The following CNTN5 variants were observed in gnomAD, a reference collection of about 807,000 sequenced individuals.
CNTN5 encodes contactin-5.
CNTN5 carries 77 observed loss-of-function variants against 129.1 expected under a neutral mutation model. The observed-to-expected ratio is 0.60, with a 90% confidence interval of 0.50 to 0.72. The LOEUF (loss-of-function observed/expected upper bound fraction) is 0.72. CNTN5 is among the 30% of genes least tolerant of loss of function. The pLI is 0.00. For synonymous variants in CNTN5, 509 were observed against 465.6 expected, an observed-to-expected ratio of 1.09 and a Z score of -1.20; for missense variants, 1,478 against 1,328.8, an observed-to-expected ratio of 1.11 and a Z score of -1.75.
chr11:99,124,150 CCTGT>C (rs1424252204), intron 1 of CNTN5, among the ~76,000 whole-genome samples: 1 of 151,984 alleles, frequency 6.6e-6, no homozygotes, highest in Non-Finnish European at 1.5e-5. Context: ...ATTGATTCTT[CCTGT>C]CTATGAGCAT....
At chr11:100,339,245 G>A (rs1013649864) in intron 21 of CNTN5, among the ~76,000 whole-genome samples, 4 of 152,094 alleles carry the variant, frequency 2.6e-5, no homozygotes, top group African/African-American at 7.2e-5. Context: ...ACCTGCACTC[G>A]GTGGGTCCCG....
intron 3 of CNTN5, among the ~76,000 whole-genome samples, chr11:99,598,764 A>G (rs1446353443): frequency 1.3e-5 from 2 of 151,996 alleles, no homozygotes; most frequent in Non-Finnish European, 2.9e-5. Flanking sequence ...ATTTGGCCAT[A>G]AACTTTTGCT....
chr11:99,948,937 A>T (rs1398990050), intron 7 of CNTN5, among the ~76,000 whole-genome samples: 1 of 152,192 alleles, frequency 6.6e-6, no homozygotes, highest in Non-Finnish European at 1.5e-5. Flanking sequence ...GCAGCTAATA[A>T]CTTATGGATA....
chr11:99,758,989 T>G (rs1301396784), intron 3 of CNTN5, among the ~76,000 whole-genome samples: 1 of 152,076 alleles, frequency 6.6e-6, no homozygotes, highest in Admixed American at 6.6e-5. Context: ...CAAAAGAATA[T>G]GATGAAGGCT....
intron 1 of CNTN5, among the ~76,000 whole-genome samples, chr11:99,250,221 T>C (rs1176507930): frequency 6.6e-6 from 1 of 151,996 alleles, no homozygotes; most frequent in Non-Finnish European, 1.5e-5. Context: ...CAAAAATCAA[T>C]TAACTTACTT....
intron 13 of CNTN5, among the ~76,000 whole-genome samples, chr11:100,188,633 G>A (rs1490708166): frequency 1.3e-5 from 2 of 152,192 alleles, no homozygotes; most frequent in Non-Finnish European, 2.9e-5. Context: ...TTTACATACT[G>A]TTGGTGGGAA....
At chr11:100,180,392 A>G (rs1948104214) in intron 13 of CNTN5, among the ~76,000 whole-genome samples, 1 of 151,996 alleles carries the variant, frequency 6.6e-6, no homozygotes, top group African/African-American at 2.4e-5. Flanking sequence ...ATGGTGCTAG[A>G]GTGATTTAAT....
chr11:99,042,386 T>G (rs1864025848), intron 1 of CNTN5, among the ~76,000 whole-genome samples: 1 of 138,350 alleles, frequency 7.2e-6, no homozygotes, highest in African/African-American at 2.7e-5. Flanking sequence ...TTTTTTTTTT[T>G]TTTTTTGAGA....
chr11:100,172,789 C>T (rs1213227396), intron 13 of CNTN5, among the ~76,000 whole-genome samples: 1 of 151,870 alleles, frequency 6.6e-6, no homozygotes, highest in African/African-American at 2.4e-5. Context: ...ATCAGAAAGG[C>T]AGAAAGAGGT....
intron 9 of CNTN5, among the ~76,000 whole-genome samples, chr11:100,046,288 G>C (rs1041767844): frequency 1.3e-5 from 2 of 152,126 alleles, no homozygotes; most frequent in Non-Finnish European, 2.9e-5. Flanking sequence ...CAACCAACTG[G>C]AGAACTAAAA....
chr11:99,147,125 A>G (rs1290504635), intron 1 of CNTN5, among the ~76,000 whole-genome samples: 1 of 152,182 alleles, frequency 6.6e-6, no homozygotes, highest in African/African-American at 2.4e-5. Flanking sequence ...TTGCTTTCCA[A>G]CCCTAAGACT....
In CNTN5 at chr11:99,511,348, A is replaced by C. The variant is rs561443641; in HGVS notation, c.-70-44797A>C. ...GTTGTTCAGTTTCCATGTAGTTGAG[A>C]GGTTTTGAGTGAGTTTCTTAATCCT... On this transcript the variant is annotated intron_variant, in intron 2 of 24. Coordinates refer to ENST00000524871, the MANE Select transcript of CNTN5 (RefSeq NM_014361.4). 2.5e-3 allele frequency among the ~76,000 whole-genome samples: 378 copies of C among 151,876 alleles called. 3 individuals carry two copies. The highest frequency in any genetic ancestry group is 8.0e-3 in the African/African-American group (332 of 41,446).
chr11:99,851,061 G>C (rs1353366327), intron 6 of CNTN5, among the ~76,000 whole-genome samples: 1 of 151,424 alleles, frequency 6.6e-6, no homozygotes, highest in Non-Finnish European at 1.5e-5. Flanking sequence ...AGATTTAGCA[G>C]CTGCTCTGTA....
Position 100,168,827 on chromosome 11 carries a change from G to A in CNTN5, c.1581-22299G>A, listed in dbSNP as rs144548078. On this transcript the variant is annotated intron_variant, in intron 13 of 24. Coordinates refer to ENST00000524871, the MANE Select transcript of CNTN5 (RefSeq NM_014361.4). ...GGGCAAAGTAAATTAAAAACGTTCTGGAAAATGTTTACCATTGTAGATGCC... is the reference window on the plus strand; with the variant it reads ...GGGCAAAGTAAATTAAAAACGTTCTAGAAAATGTTTACCATTGTAGATGCC... Among the ~76,000 whole-genome samples, 11 of 151,992 alleles carry A rather than the reference G, an allele frequency of 7.2e-5. No homozygotes were observed. In the East Asian group the frequency reaches 2.1e-3, roughly 30 times the overall value.
At chr11:99,842,049 C>CCA (rs763219241) in intron 4 of CNTN5, among the ~76,000 whole-genome samples, 3 of 151,836 alleles carry the variant, frequency 2.0e-5, no homozygotes, top group Non-Finnish European at 4.4e-5. Context: ...CCACGCACCA[C>CCA]CACGCCCAGC....
chr11:99,031,911 C>G (rs1176868244), intron 1 of CNTN5, among the ~76,000 whole-genome samples: 1 of 107,300 alleles, frequency 9.3e-6, no homozygotes, highest in African/African-American at 3.6e-5. Context: ...TGCTATCCCT[C>G]CCCCCTCCCC....
intron 4 of CNTN5, among the ~76,000 whole-genome samples, chr11:99,823,437 G>A (rs527476235): frequency 1.5e-4 from 22 of 151,290 alleles, no homozygotes; most frequent in African/African-American, 5.1e-4. Context: ...ATTCTTCTTT[G>A]TTCTCCTTTA....
intron 18 of CNTN5, among the ~76,000 whole-genome samples, chr11:100,286,900 G>A (rs2138843707): frequency 6.6e-6 from 1 of 152,112 alleles, no homozygotes. Flanking sequence ...CCAATACAGA[G>A]AAGTGCTTAA....
intron 6 of CNTN5, among the ~76,000 whole-genome samples, chr11:99,907,093 T>C (rs1373624995): frequency 6.6e-6 from 1 of 152,156 alleles, no homozygotes; most frequent in East Asian, 1.9e-4. Flanking sequence ...ATTGAGGTTT[T>C]TGAAGGGTTT....
Sources: gnomAD v4.1 joint callset for allele counts (sites outside exome capture counted in the v4.1 genomes callset) on GRCh38, gnomAD v4.1.1 for gene constraint, MANE v1.5 for transcripts, NCBI Gene and HGNC (gene_info 2026-07-23, HGNC 2026-07-21) for gene names.